PAM: variants seen among roughly 807,000 people sequenced by gnomAD.
PAM encodes peptidyl-glycine alpha-amidating monooxygenase.
PAM carries 72 observed loss-of-function variants against 122.1 expected under a neutral mutation model. The ratio of observed to expected loss-of-function variants is 0.59; its 90% CI spans 0.49 to 0.72. PAM has a LOEUF of 0.72. Ranked by LOEUF, PAM falls within the 30% of genes least tolerant of loss-of-function variation. The pLI is 0.00. For synonymous variants in PAM, 389 were observed against 404.4 expected, an observed-to-expected ratio of 0.96 and a Z score of 0.46; for missense variants, 1,106 against 1,183.7, an observed-to-expected ratio of 0.93 and a Z score of 0.96.
intron 1 of PAM, among the ~76,000 whole-genome samples, chr5:102,842,415 G>A (rs2150587103): frequency 6.6e-6 from 1 of 152,230 alleles, no homozygotes; most frequent in South Asian, 2.1e-4. Context: ...CATGAGATCT[G>A]ATGGTTTCAT....
chr5:102,812,061 A>T (rs780564730), intron 1 of PAM, among the ~76,000 whole-genome samples: 1 of 152,196 alleles, frequency 6.6e-6, no homozygotes, highest in African/African-American at 2.4e-5. Flanking sequence ...TACCTGGGCC[A>T]CTAGAGAGCC....
chr5:103,018,834 T>C (rs1264296019), intron 22 of PAM, among the ~76,000 whole-genome samples: 1 of 152,190 alleles, frequency 6.6e-6, no homozygotes, highest in Non-Finnish European at 1.5e-5. Context: ...GGGACCAGTT[T>C]CATGGAAGAC....
intron 1 of PAM, among the ~76,000 whole-genome samples, chr5:102,779,238 G>GTGTA (rs200108807): frequency 8.7e-5 from 13 of 149,206 alleles, no homozygotes; most frequent in Middle Eastern, 3.6e-3. Flanking sequence ...ATATATATGT[G>GTGTA]TATATATATA....
At chr5:102,974,937 T>A (rs544794648) in intron 15 of PAM, 1 of 152,522 alleles carries the variant, frequency 6.6e-6, no homozygotes, top group East Asian at 1.9e-4. Context: ...GATTTTGATT[T>A]CTTAAGTTTC....
chr5:102,959,862 T>A lies in PAM; in HGVS notation c.906-13T>A. On this transcript the variant is annotated splice_polypyrimidine_tract_variant and intron_variant, in intron 12 of 25. Coordinates refer to ENST00000438793, the MANE Select transcript of PAM (RefSeq NM_001177306.2). Reference sequence around the variant, plus strand: ...TGAATAGTTGATTTGTTATATCTTTTTTTTGCCTGCAGTGGCACGTCTAGT... The same window carrying A: ...TGAATAGTTGATTTGTTATATCTTTATTTTGCCTGCAGTGGCACGTCTAGT... 2.5e-6 allele frequency: 4 copies of A among 1,595,038 alleles called. No homozygotes were observed. Among genetic ancestry groups the A allele is most frequent in the South Asian group, 2.2e-5 (2 of 90,170 alleles).
At position 102,941,656 on chromosome 5, in the gene PAM, T is replaced by C. The variant is rs151018691; in HGVS notation, c.527-5181T>C. ...AGTCCTCATGCTCAGGACTGGTAAC[T>C]CAGATTTTGTTTTGAAGGAACTAAT... On this transcript the variant is annotated intron_variant, in intron 7 of 25. Coordinates refer to ENST00000438793, the MANE Select transcript of PAM (RefSeq NM_001177306.2). 4.9e-3 allele frequency among the ~76,000 whole-genome samples: 752 copies of C among 152,146 alleles called. 5 individuals carry two copies. The highest frequency in any genetic ancestry group is 8.1e-3 in the Non-Finnish European group (552 of 68,002).
At chr5:102,886,020 CT>C (rs370411831) in intron 3 of PAM, among the ~76,000 whole-genome samples, 43 of 152,104 alleles carry the variant, frequency 2.8e-4, no homozygotes, top group African/African-American at 9.4e-4. Context: ...TCACTTGCCT[CT>C]TTCTTGAACA....
At chr5:102,911,594 T>C (rs936152177) in intron 4 of PAM, among the ~76,000 whole-genome samples, 9 of 151,814 alleles carry the variant, frequency 5.9e-5, no homozygotes, top group African/African-American at 1.9e-4. Context: ...GTTAGAAGAG[T>C]CTCTTACATA....
At chr5:103,010,009 T>C (rs1780158915) in intron 21 of PAM, 143 bp downstream of exon 21, 1 of 332,112 alleles carries the variant, frequency 3.0e-6, no homozygotes. Context: ...GATGGGAGTG[T>C]TCTATTTTAT....
intron 3 of PAM, among the ~76,000 whole-genome samples, chr5:102,895,176 T>G (rs1291147622): frequency 6.6e-6 from 1 of 151,820 alleles, no homozygotes; most frequent in Non-Finnish European, 1.5e-5. Flanking sequence ...TTCTGTCTAA[T>G]TACACGGCCT....
intron 1 of PAM, among the ~76,000 whole-genome samples, chr5:102,832,470 T>G (rs1239916322): frequency 6.6e-6 from 1 of 152,076 alleles, no homozygotes. Context: ...TATATTATGT[T>G]TTTCCCTACA....
intron 23 of PAM, among the ~76,000 whole-genome samples, chr5:103,022,113 CA>C (rs1783728523): frequency 6.6e-6 from 1 of 150,744 alleles, no homozygotes; most frequent in Admixed American, 6.6e-5. Context: ...CCCACCCCCC[CA>C]AATAAAAGAT....
At chr5:102,819,344 G>T (rs1770940448) in intron 1 of PAM, among the ~76,000 whole-genome samples, 1 of 152,042 alleles carries the variant, frequency 6.6e-6, no homozygotes, top group Non-Finnish European at 1.5e-5. Flanking sequence ...TGAGCAGGGT[G>T]TCACTTGCTA....
At chr5:102,987,640 A>G (rs375032953) in intron 15 of PAM, 4 of 392,058 alleles carry the variant, frequency 1.0e-5, no homozygotes, top group Non-Finnish European at 1.5e-5. Flanking sequence ...CCCTATAAAT[A>G]TGTACAATTA....
At chr5:102,989,706 AGTTCT>A (rs1364851570) in intron 15 of PAM, 1 of 152,126 alleles carries the variant, frequency 6.6e-6, no homozygotes, top group Non-Finnish European at 1.5e-5. Context: ...CTGATATCTT[AGTTCT>A]GTGTAACAAG....
At chr5:102,807,214 G>T (rs949016520) in intron 1 of PAM, among the ~76,000 whole-genome samples, 1 of 152,128 alleles carries the variant, frequency 6.6e-6, no homozygotes, top group African/African-American at 2.4e-5. Context: ...TCTTAGTACA[G>T]ATGATAAATT....
chr5:102,854,802 G>T (rs1282242430), intron 1 of PAM, among the ~76,000 whole-genome samples: 2 of 152,140 alleles, frequency 1.3e-5, no homozygotes, highest in Admixed American at 6.5e-5. Context: ...CAGCATCAAA[G>T]AATTCTAACA....
intron 1 of PAM, among the ~76,000 whole-genome samples, chr5:102,757,494 G>A (rs1394453595): frequency 2.6e-5 from 4 of 152,180 alleles, no homozygotes; most frequent in Non-Finnish European, 2.9e-5. Flanking sequence ...TTTTTAGAAT[G>A]AAAGCTTAGG....
At chr5:102,832,397 C>T (rs1775729642) in intron 1 of PAM, among the ~76,000 whole-genome samples, 1 of 152,006 alleles carries the variant, frequency 6.6e-6, no homozygotes, top group African/African-American at 2.4e-5. Context: ...CCCTTATCCA[C>T]AGAAGATACC....
Sources: gnomAD v4.1 joint callset for allele counts (sites outside exome capture counted in the v4.1 genomes callset) on GRCh38, gnomAD v4.1.1 for gene constraint, MANE v1.5 for transcripts, NCBI Gene and HGNC (gene_info 2026-07-23, HGNC 2026-07-21) for gene names.